The following NOVA1 variants were observed in gnomAD, a reference collection of about 807,000 sequenced individuals.
NOVA1 encodes the protein NOVA alternative splicing regulator 1, also known as RNA-binding protein Nova-1.
In NOVA1, 7 loss-of-function variants were observed where a neutral mutation model predicts 38.0. The observed-to-expected ratio is 0.18, with a 90% CI of 0.10 to 0.35. NOVA1 has a LOEUF of 0.35. Ranked by LOEUF, NOVA1 falls within the 10% of genes least tolerant of loss-of-function variation. The pLI, the probability that NOVA1 is intolerant of heterozygous loss-of-function variation, is 1.00. For synonymous variants in NOVA1, 270 were observed against 232.5 expected (o/e 1.16, Z -1.47); for missense variants, 460 against 616.0 (o/e 0.75, Z 2.68).
intron 2 of NOVA1, among the ~76,000 whole-genome samples, chr14:26,550,155 T>G (rs1891073698): frequency 6.6e-6 from 1 of 152,192 alleles, no homozygotes. Context: ...TACAGAAATT[T>G]ACCTAAAACC....
At chr14:26,475,505 C>T (rs1884912992) in intron 3 of NOVA1, among the ~76,000 whole-genome samples, 1 of 152,108 alleles carries the variant, frequency 6.6e-6, no homozygotes, top group Non-Finnish European at 1.5e-5. Flanking sequence ...TAGAACAAAG[C>T]ACACAGTCCT....
intron 2 of NOVA1, among the ~76,000 whole-genome samples, chr14:26,582,114 T>C (rs1459129781): frequency 6.6e-6 from 1 of 151,896 alleles, no homozygotes. Context: ...ATTCAGAGTC[T>C]GGCTTTTTAA....
chr14:26,509,828 A>T (rs1456659305), intron 2 of NOVA1, among the ~76,000 whole-genome samples: 1 of 152,088 alleles, frequency 6.6e-6, no homozygotes, highest in Non-Finnish European at 1.5e-5. Flanking sequence ...TTACAGGCAT[A>T]TGCCACCAGG....
chr14:26,579,589 A>T (rs1352356921), intron 2 of NOVA1, among the ~76,000 whole-genome samples: 1 of 152,202 alleles, frequency 6.6e-6, no homozygotes, highest in African/African-American at 2.4e-5. Flanking sequence ...AGTAATATTT[A>T]ATTTACTATA....
At chr14:26,565,142 C>T (rs527468573) in intron 2 of NOVA1, among the ~76,000 whole-genome samples, 2 of 152,222 alleles carry the variant, frequency 1.3e-5, no homozygotes, top group East Asian at 3.9e-4. Flanking sequence ...AGTTGGTCTT[C>T]GTCTCAGAAA....
intron 2 of NOVA1, among the ~76,000 whole-genome samples, chr14:26,511,445 A>C (rs1284395939): frequency 4.6e-5 from 7 of 152,116 alleles, no homozygotes; most frequent in Non-Finnish European, 1.0e-4. Context: ...TAATCATCTA[A>C]AAATTTGCAG....
chr14:26,527,485 C>T (rs1196528415), intron 2 of NOVA1, among the ~76,000 whole-genome samples: 2 of 151,324 alleles, frequency 1.3e-5, no homozygotes, highest in East Asian at 1.9e-4. Flanking sequence ...TTCAGGATAC[C>T]GCCAAAAACA....
intron 2 of NOVA1, among the ~76,000 whole-genome samples, chr14:26,537,762 A>G (rs142552100): frequency 1.2e-4 from 19 of 152,324 alleles, no homozygotes; most frequent in South Asian, 4.1e-4. Flanking sequence ...TCAGACAGTG[A>G]TAAGTGCTGT....
intron 2 of NOVA1, among the ~76,000 whole-genome samples, chr14:26,539,464 C>A (rs1470917487): frequency 6.6e-6 from 1 of 151,986 alleles, no homozygotes; most frequent in Non-Finnish European, 1.5e-5. Flanking sequence ...TTGAAAAGTT[C>A]TTTTCCAAGA....
intron 2 of NOVA1, among the ~76,000 whole-genome samples, chr14:26,523,218 G>C (rs1014486773): frequency 2.6e-5 from 4 of 152,118 alleles, no homozygotes; most frequent in African/African-American, 4.8e-5. Context: ...TTATTTTTGT[G>C]AATAAGATGT....
intron 2 of NOVA1, among the ~76,000 whole-genome samples, chr14:26,573,967 C>A (rs1311391853): frequency 6.6e-6 from 1 of 150,388 alleles, no homozygotes; most frequent in Admixed American, 6.6e-5. Flanking sequence ...GGCTGAGCCA[C>A]ATGAGATCTT....
At chr14:26,502,512 G>A (rs1253196450) in intron 2 of NOVA1, among the ~76,000 whole-genome samples, 2 of 150,978 alleles carry the variant, frequency 1.3e-5, no homozygotes, top group African/African-American at 2.4e-5. Context: ...ATATTTTAAA[G>A]AGAAGGCAGA....
intron 2 of NOVA1, among the ~76,000 whole-genome samples, chr14:26,535,949 A>C (rs548975748): frequency 1.3e-4 from 20 of 151,002 alleles, no homozygotes; most frequent in African/African-American, 4.6e-4. Flanking sequence ...ACTGCACTCC[A>C]GCCTGGGCAA....
intron 2 of NOVA1, among the ~76,000 whole-genome samples, chr14:26,560,107 A>G (rs1891733318): frequency 6.6e-6 from 1 of 152,082 alleles, no homozygotes; most frequent in Non-Finnish European, 1.5e-5. Context: ...CACCAAACTG[A>G]TATCATGACT....
intron 2 of NOVA1, among the ~76,000 whole-genome samples, chr14:26,588,686 A>G (rs1204524348): frequency 6.6e-6 from 1 of 151,586 alleles, no homozygotes; most frequent in African/African-American, 2.4e-5. Context: ...AAATTTAAAA[A>G]TCACGGTAAA....
At chr14:26,536,172 A>G (rs1890081825) in intron 2 of NOVA1, among the ~76,000 whole-genome samples, 1 of 151,766 alleles carries the variant, frequency 6.6e-6, no homozygotes, top group Non-Finnish European at 1.5e-5. Context: ...TTATTGAACT[A>G]TGGACAGATA....
intron 2 of NOVA1, among the ~76,000 whole-genome samples, chr14:26,567,844 G>C (rs748883384): frequency 1.3e-5 from 2 of 152,140 alleles, no homozygotes; most frequent in Non-Finnish European, 2.9e-5. Flanking sequence ...TTAAAAAATA[G>C]TTTTTCCATT....
chr14:26,553,520 A>G (rs1483582569), intron 2 of NOVA1, among the ~76,000 whole-genome samples: 1 of 152,036 alleles, frequency 6.6e-6, no homozygotes, highest in Non-Finnish European at 1.5e-5. Flanking sequence ...AGAGTTGCTT[A>G]TTATCCCATG....
chr14:26,455,147 C>G (rs1883055165), intron 4 of NOVA1, among the ~76,000 whole-genome samples: 1 of 152,150 alleles, frequency 6.6e-6, no homozygotes. Context: ...CAAGGCAGAA[C>G]AGTTTTCATA....
Sources: allele counts gnomAD v4.1 joint callset (sites outside exome capture counted in the v4.1 genomes callset), GRCh38; gene constraint gnomAD v4.1.1; transcripts MANE v1.5; gene names NCBI Gene and HGNC (gene_info 2026-07-23, HGNC 2026-07-21).